Variants in CACNA1G observed in about 807,000 individuals in gnomAD.
The protein encoded by CACNA1G is calcium voltage-gated channel subunit alpha1 G.
Under a neutral mutation model 219.4 loss-of-function variants are expected in CACNA1G, and 67 were observed. The ratio of observed to expected loss-of-function variants is 0.31; its 90% CI spans 0.25 to 0.37. The LOEUF is 0.37. Among genes scored for constraint, CACNA1G ranks in the 10% least tolerant of loss-of-function variants. The pLI is 1.00. For missense variants in CACNA1G, 2,380 were observed against 3,231.4 expected, an observed-to-expected ratio of 0.74 and a Z score of 6.39; for synonymous variants, 1,296 against 1,345.3, an observed-to-expected ratio of 0.96 and a Z score of 0.80.
rs552292787 is a variant in CACNA1G at position 50,577,411 on chromosome 17, G to T, written c.1925-777G>T. ...AAGCTGGATTTAAAGGGACATTGATGTCTTGGGCTAGGTCCCTGAGTGTGT... is the reference window on the plus strand; with the variant it reads ...AAGCTGGATTTAAAGGGACATTGATTTCTTGGGCTAGGTCCCTGAGTGTGT... On this transcript the variant is annotated intron_variant, in intron 8 of 37. Transcript: ENST00000359106. 4.7e-5 allele frequency among the ~76,000 whole-genome samples: 7 copies of T among 150,340 alleles called. No homozygotes were observed. In the East Asian group the frequency reaches 1.4e-3, roughly 30 times the overall value.
At chr17:50,602,168 C>T (rs1302628431) in intron 19 of CACNA1G, among the ~76,000 whole-genome samples, 1 of 152,236 alleles carries the variant, frequency 6.6e-6, no homozygotes, top group Non-Finnish European at 1.5e-5. Context: ...TCTTCCCACT[C>T]AGCTTCTCCA....
intron 8 of CACNA1G, among the ~76,000 whole-genome samples, chr17:50,577,490 A>AGT (rs375267019): frequency 6.7e-6 from 1 of 148,694 alleles, no homozygotes; most frequent in Admixed American, 6.7e-5. Context: ...GAAGGGGTCC[A>AGT]GTGTGTGTGT....
At position 50,603,324 on chromosome 17, in the gene CACNA1G, C is replaced by T; in HGVS notation, c.4169+125C>T. 2 of 799,744 alleles carry T rather than the reference C, an allele frequency of 2.5e-6. No homozygotes were observed. The highest frequency in any genetic ancestry group is 3.5e-5 in the South Asian group (2 of 57,072). The allele number at this position is 799,744 out of a possible 1,614,324, so 49.5% of individuals were successfully genotyped here. On this transcript the variant is annotated intron_variant, in intron 21 of 37. Transcript: ENST00000359106. This position sits in a 1 kb window ranked among gnomAD's most constrained non-coding sequence, Gnocchi z 6.4. ...ACAGGCCAGCATCCTGTCTGTGACC[C>T]CCACAGGCGATCCTGTCCCCGCCCC...
chr17:50,587,397 C>T (rs1167047593), intron 9 of CACNA1G, among the ~76,000 whole-genome samples: 1 of 152,182 alleles, frequency 6.6e-6, no homozygotes, highest in Non-Finnish European at 1.5e-5. Context: ...TGGGCACTGC[C>T]AGATGTTGGC....
Position 50,599,542 on chromosome 17 carries a change from A to G in CACNA1G, c.3373A>G (p.Ser1125Gly). The change falls in exon 17 of 38, where the codon AGT becomes GGT. Residue 1125 changes from serine to glycine, a missense_variant. By Grantham distance (56) the Ser-to-Gly change is moderately conservative (BLOSUM62 0). This residue lies in a region of CACNA1G where 418 missense variants were observed against 434.3 expected (regional missense o/e 0.96). Transcript: ENST00000359106. ...ACCCAGCCTGAAGCGGAGAAGCCCA[A>G]GTGGAGAGCGGCGGTCCCTGTTGTC... ...RAPSLKRRSP[S>G]GERRSLLSGE... The G allele has an allele frequency of 3.1e-6, 5 of 1,612,820 alleles. 1 individual carries two copies. The South Asian group carries it at 5.5e-5, about 18-fold the overall frequency.
chr17:50,611,824 C>T (rs925397643), intron 26 of CACNA1G, among the ~76,000 whole-genome samples: 3 of 152,180 alleles, frequency 2.0e-5, no homozygotes, highest in African/African-American at 7.2e-5. Flanking sequence ...TCTCATGGCT[C>T]CTAAGACGTG....
In CACNA1G at chr17:50,583,357, C is replaced by T. The variant is rs1448109205; in HGVS notation, c.2301+4793C>T. Among the ~76,000 whole-genome samples, 4 of 152,170 alleles carry T rather than the reference C, an allele frequency of 2.6e-5. No individual in the cohort carries two copies. The East Asian group carries it at 7.7e-4, about 29-fold the overall frequency. ...GGTGTTCTCTTGTTCTTTTAGGCAT[C>T]CCCTGGCTCCAGGCTCTCCCAGTTC... is the stretch of plus-strand genomic sequence containing the variant. On this transcript the variant is annotated intron_variant, in intron 9 of 37. Coordinates refer to ENST00000359106, the MANE Select transcript of CACNA1G (RefSeq NM_018896.5).
intron 26 of CACNA1G, among the ~76,000 whole-genome samples, chr17:50,612,238 G>T (rs993150256): frequency 6.6e-6 from 1 of 152,230 alleles, no homozygotes; most frequent in Non-Finnish European, 1.5e-5. Flanking sequence ...AATCAAACAC[G>T]TGCACCGCAC....
intron 26 of CACNA1G, among the ~76,000 whole-genome samples, chr17:50,613,403 C>T (rs2049693959): frequency 1.3e-5 from 2 of 152,158 alleles, no homozygotes; most frequent in African/African-American, 4.8e-5. Flanking sequence ...TGCCCTGCCT[C>T]AGTCCTCCTG....
chr17:50,627,341 C>T lies in CACNA1G; in HGVS notation c.*590C>T. On this transcript the variant is annotated 3_prime_UTR_variant, in exon 38 of 38. Transcript: ENST00000359106. The stretch of plus-strand genomic sequence containing the variant: ...TTTCCTTTAACCTCGTCATCATTTT[C>T]TGTAGGGAAAAAAAAAAGAAAAAGA... The T allele has an allele frequency of 1.3e-5, 5 of 382,546 alleles. No individual in the cohort carries two copies. The highest frequency in any genetic ancestry group is 2.6e-5 in the Non-Finnish European group (5 of 195,436). The allele number at this position is 382,546 out of a possible 1,614,324, so 23.7% of individuals were successfully genotyped here.
At position 50,607,985 on chromosome 17, in the gene CACNA1G, G is replaced by A; in HGVS notation, c.4671G>A (p.Glu1557=). Residue 1557 remains glutamate, a synonymous_variant, in exon 25 of 38, where the codon GAG becomes GAA. Coordinates refer to ENST00000359106, the MANE Select transcript of CACNA1G (RefSeq NM_018896.5). ...AAGAGGAGGCCCGGCGGCGGGAGGA[G>A]AAGCGCCTACGAAGACTGGAGAAAA... is the stretch of plus-strand genomic sequence containing the variant. ...QEEEEARRRE[E]KRLRRLEKKR... 1 of 1,612,966 alleles carries A rather than the reference G, an allele frequency of 6.2e-7. No individual in the cohort carries two copies. The highest frequency in any genetic ancestry group is 8.5e-7 in the Non-Finnish European group (1 of 1,179,426).
At chr17:50,592,558 G>A (rs2044550796) in intron 13 of CACNA1G, among the ~76,000 whole-genome samples, 1 of 152,214 alleles carries the variant, frequency 6.6e-6, no homozygotes, top group Admixed American at 6.5e-5. Context: ...TGCCCAGGGT[G>A]AGAAATGAGC....
rs184872653 is a variant in CACNA1G at position 50,576,751 on chromosome 17, G to A, written c.1924+425G>A. On this transcript the variant is annotated intron_variant, in intron 8 of 37. Coordinates refer to ENST00000359106, the MANE Select transcript of CACNA1G (RefSeq NM_018896.5). Reference sequence around the variant, plus strand: ...GAGGGGATTGCATGACTTGCCCAAGGCTTTGCTATTGGTGAGGGGCGGACT... The same window carrying A: ...GAGGGGATTGCATGACTTGCCCAAGACTTTGCTATTGGTGAGGGGCGGACT... 1.8e-3 allele frequency among the ~76,000 whole-genome samples: 280 copies of A among 152,344 alleles called. 1 individual carries two copies. Among genetic ancestry groups the A allele is most frequent in the Non-Finnish European group, 3.2e-3 (220 of 68,032 alleles).
chr17:50,607,484 C>A (rs569172956), intron 24 of CACNA1G: 2 of 301,588 alleles, frequency 6.6e-6, no homozygotes, highest in East Asian at 7.8e-5. Flanking sequence ...TAGAACAAGA[C>A]CCTGTCTCTA....
chr17:50,600,917 T>A lies in CACNA1G; in HGVS notation c.3791+91T>A. Reference sequence around the variant, plus strand: ...GTGATGCTGTCAGGGATTTGAGAAGTGGCACCCTGCCTGGGGTGTGAGCAG... The same window carrying A: ...GTGATGCTGTCAGGGATTTGAGAAGAGGCACCCTGCCTGGGGTGTGAGCAG... On this transcript the variant is annotated intron_variant, in intron 18 of 37. Coordinates refer to ENST00000359106, the MANE Select transcript of CACNA1G (RefSeq NM_018896.5). The surrounding 1 kb of genome is among the most constrained non-coding windows in gnomAD (Gnocchi z 4.1). The A allele has an allele frequency of 6.4e-7, 1 of 1,561,172 alleles. No individual in the cohort carries two copies. Among genetic ancestry groups the A allele is most frequent in the Non-Finnish European group, 8.8e-7 (1 of 1,136,002 alleles).
chr17:50,603,261 C>A lies in CACNA1G; in HGVS notation c.4169+62C>A. On this transcript the variant is annotated intron_variant, in intron 21 of 37. Coordinates refer to ENST00000359106, the MANE Select transcript of CACNA1G (RefSeq NM_018896.5). This position sits in a 1 kb window ranked among gnomAD's most constrained non-coding sequence, Gnocchi z 6.4. ...GTGGCCCCCTCCGCAGGGACATCTC[C>A]CACCGCCAGCACTCCCTGCCACGAA... The A allele has an allele frequency of 7.1e-7, 1 of 1,402,056 alleles. No individual in the cohort carries two copies. Among genetic ancestry groups the A allele is most frequent in the Non-Finnish European group, 9.7e-7 (1 of 1,026,042 alleles). 86.9% of individuals were successfully genotyped at this position (1,402,056 alleles called of 1,614,324 possible).
chr17:50,625,881 G>A (rs545533063), intron 37 of CACNA1G, 136 bp from the exon 38 acceptor site: 43 of 893,400 alleles, frequency 4.8e-5, no homozygotes, highest in African/African-American at 4.3e-4. Context: ...TAGTAAGAGC[G>A]GCTACCAGGA....
At chr17:50,577,578 C>T (rs2040976987) in intron 8 of CACNA1G, among the ~76,000 whole-genome samples, 1 of 149,798 alleles carries the variant, frequency 6.7e-6, no homozygotes, top group African/African-American at 2.5e-5. Flanking sequence ...GGTGCATGTG[C>T]GATGTGAAGC....
intron 25 of CACNA1G, among the ~76,000 whole-genome samples, chr17:50,608,771 A>C (rs948720576): frequency 6.6e-6 from 1 of 152,070 alleles, no homozygotes; most frequent in Non-Finnish European, 1.5e-5. Context: ...GACAGAGGCC[A>C]GGAAGGATGT....
Sources: gnomAD v4.1 joint callset for allele counts (sites outside exome capture counted in the v4.1 genomes callset) on GRCh38, gnomAD v4.1.1 for gene constraint, gnomAD v4.1.1 regional missense constraint, Gnocchi (gnomAD v3.1) non-coding constraint, MANE v1.5 for transcripts, NCBI Gene and HGNC (gene_info 2026-07-23, HGNC 2026-07-21) for gene names.